The following OSBP variants were observed in gnomAD, a reference collection of about 807,000 sequenced individuals.
OSBP encodes the protein oxysterol-binding protein 1.
OSBP carries 32 observed loss-of-function variants against 96.6 expected under a neutral mutation model. The ratio of observed to expected loss-of-function variants is 0.33; its 90% CI spans 0.25 to 0.45. The LOEUF (loss-of-function observed/expected upper bound fraction) is 0.45. Ranked by LOEUF, OSBP falls within the 20% of genes least tolerant of loss-of-function variation. The pLI is 1.00. For synonymous variants in OSBP, 369 were observed against 389.6 expected (o/e 0.95, Z 0.62); for missense variants, 653 against 1,029.7 (o/e 0.63, Z 5.01).
intron 3 of OSBP, among the ~76,000 whole-genome samples, chr11:59,608,067 T>C (rs747514426): frequency 6.6e-6 from 1 of 152,072 alleles, no homozygotes. Flanking sequence ...AACATGACAA[T>C]GGAAGGGACT....
At chr11:59,577,785 C>T (rs1254975373) in intron 12 of OSBP, among the ~76,000 whole-genome samples, 1 of 152,252 alleles carries the variant, frequency 6.6e-6, no homozygotes, top group East Asian at 1.9e-4. Context: ...GCCACCGCAC[C>T]TGGCTGCTGA....
At chr11:59,614,830 A>C (rs912614788) in intron 1 of OSBP, among the ~76,000 whole-genome samples, 1 of 152,224 alleles carries the variant, frequency 6.6e-6, no homozygotes, top group Admixed American at 6.5e-5. Context: ...GGACGGGTAC[A>C]TCCAGAGCTA....
intron 9 of OSBP, among the ~76,000 whole-genome samples, chr11:59,585,376 G>A: frequency 9.5e-5 from 1 of 10,482 alleles, no homozygotes; most frequent in Non-Finnish European, 2.1e-4. Context: ...CCCCGTCTGA[G>A]AAGTGAGGAG....
intron 9 of OSBP, 185 bp downstream of exon 9, chr11:59,593,417 AAG>A (rs1373875292): frequency 3.3e-6 from 2 of 600,324 alleles, no homozygotes; most frequent in African/African-American, 3.7e-5. Flanking sequence ...TGGGTCCTTA[AAG>A]AGTTTCTAGC....
chr11:59,592,789 T>G (rs1224720742), intron 9 of OSBP, among the ~76,000 whole-genome samples: 1 of 151,444 alleles, frequency 6.6e-6, no homozygotes, highest in African/African-American at 2.4e-5. Flanking sequence ...TTTTGTTTTT[T>G]GGGTTTTTCC....
chr11:59,615,276 G>T, intron 1 of OSBP, 27 bp downstream of exon 1: 1 of 1,567,894 alleles, frequency 6.4e-7, no homozygotes, highest in South Asian at 1.1e-5. Context: ...GAGGCAAGGT[G>T]AGCGACAGCG....
At chr11:59,606,424 G>GAAAAAAAA (rs1860781567) in intron 3 of OSBP, among the ~76,000 whole-genome samples, 1 of 149,556 alleles carries the variant, frequency 6.7e-6, no homozygotes, top group African/African-American at 2.5e-5. Flanking sequence ...CTGAATTAAT[G>GAAAAAAAA]CAGACACAGA....
intron 3 of OSBP, among the ~76,000 whole-genome samples, chr11:59,607,746 G>A (rs773716527): frequency 3.3e-5 from 5 of 152,064 alleles, no homozygotes; most frequent in Admixed American, 1.3e-4. Flanking sequence ...TCAATACATC[G>A]GTAATGCCAT....
intron 9 of OSBP, among the ~76,000 whole-genome samples, chr11:59,592,262 G>T (rs76285678): frequency 6.6e-6 from 1 of 152,150 alleles, no homozygotes; most frequent in Non-Finnish European, 1.5e-5. Context: ...TTTTCGTTTA[G>T]GGACCTTCTG....
intron 9 of OSBP, among the ~76,000 whole-genome samples, chr11:59,585,561 G>A (rs866521833): frequency 8.8e-5 from 13 of 148,042 alleles, no homozygotes; most frequent in East Asian, 2.1e-4. Flanking sequence ...TCAGCCCCCC[G>A]CCCGGCCAGC....
In OSBP at chr11:59,576,933, C is replaced by T. The variant is rs777564295; in HGVS notation, c.2153G>A (p.Arg718Gln). 6.2e-7 allele frequency: 1 copy of T among 1,614,170 alleles called. No homozygotes were observed. Among genetic ancestry groups the T allele is most frequent in the Non-Finnish European group, 8.5e-7 (1 of 1,180,040 alleles). ...SGTAPTDSRLRPDQRLMENGR... is the reference protein window; with the variant it reads ...SGTAPTDSRLQPDQRLMENGR... The stretch of plus-strand genomic sequence containing the variant: ...ATTTTCCATCAGTCTCTGGTCAGGT[C>T]GTAACCGGCTGTCTGTGGGGGCAGT... Residue 718 changes from arginine (R) to glutamine (Q), a missense_variant, in exon 13 of 14, where the codon CGA becomes CAA. Physicochemically the swap from Arg to Gln is conservative, Grantham distance 43. Transcript: ENST00000263847.
chr11:59,587,747 C>G (rs1403317079), intron 9 of OSBP, among the ~76,000 whole-genome samples: 2 of 152,140 alleles, frequency 1.3e-5, no homozygotes, highest in Non-Finnish European at 2.9e-5. Flanking sequence ...TAACCATTGT[C>G]GAAGACAGTA....
chr11:59,600,918 C>T lies in OSBP; in HGVS notation c.1125-45G>A, dbSNP rs774171734. The T allele has an allele frequency of 2.0e-6, 3 of 1,517,658 alleles. No individual in the cohort carries two copies. The Admixed American group carries it at 5.0e-5, about 25-fold the overall frequency. The allele number at this position is 1,517,658 out of a possible 1,614,324, so 94.0% of individuals were successfully genotyped here. A position where few individuals can be genotyped will look rare whatever the true frequency, so the allele number is the denominator to read the frequency against. ...AGGAGAATTAGAACAAAGACCAGAA[C>T]TAGAGTGTGGTCCTGGACATTTCTT... On this transcript the variant is annotated intron_variant, in intron 5 of 13. Coordinates refer to ENST00000263847, the MANE Select transcript of OSBP (RefSeq NM_002556.3).
chr11:59,611,096 T>C (rs1424797979), intron 1 of OSBP, among the ~76,000 whole-genome samples: 1 of 144,940 alleles, frequency 6.9e-6, no homozygotes, highest in South Asian at 2.1e-4. Context: ...GATCCCACTA[T>C]TGCACTCCAG....
intron 1 of OSBP, 119 bp from the exon 2 acceptor site, chr11:59,610,708 A>G (rs746290609): frequency 7.6e-6 from 6 of 784,536 alleles, no homozygotes; most frequent in Non-Finnish European, 1.3e-5. Context: ...GGAATCAGCA[A>G]GTTCTAGTCC....
At chr11:59,580,107 C>T in intron 11 of OSBP, 67 bp downstream of exon 11, 1 of 1,035,714 alleles carries the variant, frequency 9.7e-7, no homozygotes, top group Admixed American at 1.7e-5. Context: ...ACATTCCAGT[C>T]CTAAAGGAGT....
chr11:59,583,342 C>T (rs1195113275), intron 9 of OSBP, among the ~76,000 whole-genome samples: 3 of 151,918 alleles, frequency 2.0e-5, no homozygotes, highest in East Asian at 3.9e-4. Flanking sequence ...AAAATAAAGT[C>T]GATTTCAGTA....
Position 59,615,616 on chromosome 11 carries a change from T to C in OSBP, c.49A>G (p.Ile17Val), listed in dbSNP as rs1860917911. The C allele has an allele frequency of 7.3e-7, 1 of 1,378,178 alleles. No individual in the cohort carries two copies. Among genetic ancestry groups the C allele is most frequent in the African/African-American group, 1.5e-5 (1 of 66,174 alleles). 85.4% of individuals were successfully genotyped at this position (1,378,178 alleles called of 1,614,324 possible). Residue 17 changes from isoleucine (I) to valine (V), a missense_variant, in exon 1 of 14, where the codon ATT (isoleucine) becomes GTT (valine). By Grantham distance (29) the Ile-to-Val change is conservative. Transcript: ENST00000263847. Reference protein sequence around the residue: ...RGVVGPGPAAIAALGGGGAGP... With the variant: ...RGVVGPGPAAVAALGGGGAGP... ...GCGCCGCCGCCGCCAAGTGCTGCAA[T>C]GGCTGCCGGGCCTGGCCCCACCACT...
At chr11:59,595,898 C>G (rs1860644576) in intron 7 of OSBP, among the ~76,000 whole-genome samples, 1 of 151,340 alleles carries the variant, frequency 6.6e-6, no homozygotes, top group Admixed American at 6.6e-5. Flanking sequence ...GAGCCAAGAT[C>G]ATGCCACTGC....
Sources: allele counts gnomAD v4.1 joint callset (sites outside exome capture counted in the v4.1 genomes callset), GRCh38; gene constraint gnomAD v4.1.1; transcripts MANE v1.5; gene names NCBI Gene and HGNC (gene_info 2026-07-23, HGNC 2026-07-21).